The following MYBPC1 variants were observed in gnomAD, a reference collection of about 807,000 sequenced individuals.
MYBPC1 encodes the protein myosin binding protein C1.
A neutral mutation model predicts 147.1 loss-of-function variants in MYBPC1; 52 were observed. The ratio of observed to expected loss-of-function variants is 0.35; its 90% CI spans 0.28 to 0.45. MYBPC1 has a LOEUF of 0.45. MYBPC1 is among the 20% of genes least tolerant of loss of function. MYBPC1 has a pLI of 1.00. For synonymous variants in MYBPC1, 477 were observed against 475.9 expected (o/e 1.00, Z -0.03); for missense variants, 1,228 against 1,440.3 (o/e 0.85, Z 2.39).
downstream of MYBPC1, among the ~76,000 whole-genome samples, chr12:101,690,923 C>T (rs1031526015): frequency 3.9e-5 from 6 of 152,112 alleles, no homozygotes; most frequent in Admixed American, 6.6e-5. Context: ...AAAACCCAAG[C>T]AAGTAAAGCA....
At chr12:101,640,905 A>G (rs965112350) in intron 10 of MYBPC1, among the ~76,000 whole-genome samples, 67 of 152,232 alleles carry the variant, frequency 4.4e-4, no homozygotes, top group African/African-American at 1.5e-3. Context: ...ACTTGAGGTC[A>G]GGAGTTCAAG....
At chr12:101,619,492 A>T (rs1490104946) in intron 3 of MYBPC1, among the ~76,000 whole-genome samples, 1 of 152,228 alleles carries the variant, frequency 6.6e-6, no homozygotes. Context: ...TCATCTAATG[A>T]ATACTTGCAA....
intron 2 of MYBPC1, among the ~76,000 whole-genome samples, chr12:101,615,555 A>G (rs1885671176): frequency 6.6e-6 from 1 of 151,842 alleles, no homozygotes; most frequent in African/African-American, 2.4e-5. Context: ...ATCTCCCTGT[A>G]TTCAGTTTGT....
chr12:101,652,599 G>A, intron 16 of MYBPC1, 79 bp from the exon 17 acceptor site: 1 of 972,306 alleles, frequency 1.0e-6, no homozygotes, highest in East Asian at 2.4e-5. Flanking sequence ...TCAGATAAAG[G>A]TCAAGTGTCT....
At chr12:101,654,060 G>A (rs958844038) in intron 18 of MYBPC1, among the ~76,000 whole-genome samples, 26 of 152,062 alleles carry the variant, frequency 1.7e-4, no homozygotes, top group African/African-American at 6.3e-4. Context: ...AAAAAAATTA[G>A]CCAAATATGG....
chr12:101,661,446 C>T (rs1896534140), intron 20 of MYBPC1, among the ~76,000 whole-genome samples, 184 bp downstream of exon 20: 1 of 152,192 alleles, frequency 6.6e-6, no homozygotes, highest in Admixed American at 6.5e-5. Flanking sequence ...TTAAATAGCT[C>T]TGATGAATAT....
In MYBPC1 at chr12:101,680,355, T is replaced by A; in HGVS notation, c.3259T>A (p.Trp1087Arg). 1 of 1,614,016 alleles carries A rather than the reference T, an allele frequency of 6.2e-7. No individual in the cohort carries two copies. The highest frequency in any genetic ancestry group is 1.3e-5 in the African/African-American group (1 of 75,052). Residue 1087 changes from tryptophan to arginine, a missense_variant, in exon 29 of 32, where the codon TGG (tryptophan) becomes AGG (arginine). Physicochemically the swap from Trp to Arg is moderately radical, Grantham distance 101. Transcript: ENST00000361466. ...ATTTGAACTTCAGCCTAAAATAACC[T>A]GGATGAAAAACAAAGTTGCTATTGT... is the stretch of plus-strand genomic sequence containing the variant. ...VRGNPKPKIT[W>R]MKNKVAIVDD...
the MYBPC1 span, among the ~76,000 whole-genome samples, chr12:101,693,744 A>C: frequency 4.9e-5 from 3 of 60,868 alleles, no homozygotes; most frequent in Non-Finnish European, 1.4e-4. Flanking sequence ...TCTCTAAATA[A>C]ATAAATAAAT....
chr12:101,652,818 G>T lies in MYBPC1; in HGVS notation c.1633+34G>T. ...ATAAAATAATTCATTGCATAGTTGT[G>T]TTCTTTTTTGTTTGCTTTTGCTTAC... On this transcript the variant is annotated intron_variant, in intron 17 of 31. Coordinates refer to ENST00000361466, the MANE Select transcript of MYBPC1 (RefSeq NM_002465.4). The T allele has an allele frequency of 1.3e-6, 2 of 1,524,842 alleles. 1 individual carries two copies. 94.5% of individuals were successfully genotyped at this position (1,524,842 alleles called of 1,614,324 possible). A position where few individuals can be genotyped will look rare whatever the true frequency, so the allele number is the denominator to read the frequency against.
intron 16 of MYBPC1, among the ~76,000 whole-genome samples, chr12:101,652,027 T>C (rs1894576502): frequency 6.6e-6 from 1 of 152,212 alleles, no homozygotes; most frequent in African/African-American, 2.4e-5. Context: ...AACCAATAAG[T>C]GTCACAATGC....
intron 19 of MYBPC1, among the ~76,000 whole-genome samples, chr12:101,660,845 T>A (rs1896427884): frequency 6.6e-6 from 1 of 152,100 alleles, no homozygotes; most frequent in South Asian, 2.1e-4. Flanking sequence ...GGGTTTCCCC[T>A]TACAAAACCA....
At chr12:101,595,162 C>T (rs528279291) in intron 1 of MYBPC1, 67 bp downstream of exon 1, 40 of 1,333,798 alleles carry the variant, frequency 3.0e-5, no homozygotes, top group Non-Finnish European at 3.9e-5. Context: ...TATTTATCTT[C>T]AAACAAATAA....
In MYBPC1 at chr12:101,652,706, C is replaced by G; in HGVS notation, c.1555C>G (p.Leu519Val). The G allele has an allele frequency of 1.2e-6, 2 of 1,613,298 alleles. No individual in the cohort carries two copies. Among genetic ancestry groups the G allele is most frequent in the Non-Finnish European group, 1.7e-6 (2 of 1,179,298 alleles). ...CCACAAGTTAGTGATAGCCAATGCC[C>G]TCACTGAAGATGAAGGTGATTATGT... Reference protein sequence around the residue: ...RIHKLVIANALTEDEGDYVFA... With the variant: ...RIHKLVIANAVTEDEGDYVFA... Residue 519 changes from leucine to valine, a missense_variant, in exon 17 of 32, where the codon CTC becomes GTC. By Grantham distance (32) the Leu-to-Val change is conservative. Transcript: ENST00000361466.
At chr12:101,666,712 C>G in intron 22 of MYBPC1, 2 of 1,591,576 alleles carry the variant, frequency 1.3e-6, no homozygotes, top group Non-Finnish European at 1.7e-6. Flanking sequence ...AAGTGGGTGT[C>G]TTTAATTAAT....
downstream of MYBPC1, among the ~76,000 whole-genome samples, chr12:101,689,656 T>C (rs1951390196): frequency 6.6e-6 from 1 of 151,760 alleles, no homozygotes; most frequent in Non-Finnish European, 1.5e-5. Flanking sequence ...TAGAAAGAGA[T>C]TAATTATAAG....
intron 26 of MYBPC1, among the ~76,000 whole-genome samples, chr12:101,676,126 T>C (rs1466198309): frequency 1.3e-5 from 2 of 152,178 alleles, no homozygotes. Context: ...TTAGCGTTAG[T>C]CTATTTTATG....
intron 8 of MYBPC1, among the ~76,000 whole-genome samples, chr12:101,634,185 C>T (rs1048576532): frequency 6.6e-6 from 1 of 152,064 alleles, no homozygotes; most frequent in Non-Finnish European, 1.5e-5. Context: ...CAGGCGTGAG[C>T]CACCGCGCCC....
In MYBPC1 at chr12:101,616,382, A is replaced by G. The variant is rs145015939; in HGVS notation, c.62-820A>G. Among the ~76,000 whole-genome samples, 3 of 152,302 alleles carry G rather than the reference A, an allele frequency of 2.0e-5. No homozygotes were observed. In the East Asian group the frequency reaches 5.8e-4, roughly 29 times the overall value. The stretch of plus-strand genomic sequence containing the variant: ...TCAGATCAGTTACTGCCACTGAGCC[A>G]CTATCGTTTCCTTTGTATGTCATAT... On this transcript the variant is annotated intron_variant, in intron 2 of 31. Transcript: ENST00000361466.
chr12:101,666,886 C>CACAG, intron 22 of MYBPC1: 1 of 504,006 alleles, frequency 2.0e-6, no homozygotes, highest in Non-Finnish European at 3.6e-6. Flanking sequence ...GAATACTCAT[C>CACAG]ACATACATAC....
Sources: gnomAD v4.1 joint callset for allele counts (sites outside exome capture counted in the v4.1 genomes callset) on GRCh38, gnomAD v4.1.1 for gene constraint, MANE v1.5 for transcripts, NCBI Gene and HGNC (gene_info 2026-07-23, HGNC 2026-07-21) for gene names.